The following EIF3K variants were observed in gnomAD, a reference collection of about 807,000 sequenced individuals.
The protein encoded by EIF3K is eIF-3 p28.
Under a neutral mutation model 34.2 loss-of-function variants are expected in EIF3K, and 27 were observed. The ratio of observed to expected loss-of-function variants is 0.79; its 90% CI spans 0.58 to 1.09. The LOEUF (loss-of-function observed/expected upper bound fraction) is 1.09, where lower values mean the gene tolerates loss of function less well. Among genes scored for constraint, EIF3K ranks in the 50% least tolerant of loss-of-function variants. EIF3K has a pLI of 0.00. For missense variants in EIF3K, 232 were observed against 275.4 expected (o/e 0.84, Z 1.11); for synonymous variants, 105 against 105.7 (o/e 0.99, Z 0.04).
Position 38,624,085 on chromosome 19 carries a change from T to G in EIF3K, c.167T>G (p.Phe56Cys), listed in dbSNP as rs772417306. The part of the protein sequence containing the change: ...ANLAVLKLYQ[F>C]NPAFFQTTVT... Reference sequence around the variant, plus strand: ...CTTGTTCTTTTTCTTAGGTACCAGTTCAACCCAGCCTTCTTTCAGACCACG... The same window carrying G: ...CTTGTTCTTTTTCTTAGGTACCAGTGCAACCCAGCCTTCTTTCAGACCACG... Residue 56 changes from phenylalanine to cysteine, a missense_variant, in exon 3 of 8, where the codon TTC becomes TGC. Coordinates refer to ENST00000248342, the MANE Select transcript of EIF3K (RefSeq NM_013234.4). 5 of 1,614,142 alleles carry G rather than the reference T, an allele frequency of 3.1e-6. No individual in the cohort carries two copies. Among genetic ancestry groups the G allele is most frequent in the Non-Finnish European group, 4.2e-6 (5 of 1,180,004 alleles).
chr19:38,624,336 C>A, intron 3 of EIF3K, 139 bp downstream of exon 3: 1 of 1,358,354 alleles, frequency 7.4e-7, no homozygotes, highest in Non-Finnish European at 1.0e-6. Flanking sequence ...AGGTGCTGGA[C>A]AGTGCTGGGA....
At chr19:38,623,547 C>T (rs1207694600) in intron 2 of EIF3K, among the ~76,000 whole-genome samples, 2 of 152,120 alleles carry the variant, frequency 1.3e-5, no homozygotes, top group Admixed American at 6.6e-5. Flanking sequence ...TCAGGTGATC[C>T]GCCCATCTCG....
At chr19:38,623,280 C>T (rs1224054941) in intron 2 of EIF3K, among the ~76,000 whole-genome samples, 1 of 152,254 alleles carries the variant, frequency 6.6e-6, no homozygotes, top group Non-Finnish European at 1.5e-5. Context: ...CAGCCGGTCC[C>T]TCCGTTTGGG....
At position 38,624,126 on chromosome 19, in the gene EIF3K, C is replaced by T. The variant is rs751450442; in HGVS notation, c.208C>T (p.Leu70=). The change falls in exon 3 of 8, where the codon CTG becomes TTG. Residue 70 remains leucine, a synonymous_variant. Coordinates refer to ENST00000248342, the MANE Select transcript of EIF3K (RefSeq NM_013234.4). The part of the protein sequence containing the change: ...FFQTTVTAQI[L]LKALTNLPHT... Reference sequence around the variant, plus strand: ...TCAGACCACGGTCACCGCCCAGATCCTGCTGAAGGCCCTCACCAACTTGCC... The same window carrying T: ...TCAGACCACGGTCACCGCCCAGATCTTGCTGAAGGCCCTCACCAACTTGCC... 1.9e-6 allele frequency: 3 copies of T among 1,614,216 alleles called. No homozygotes were observed. The highest frequency in any genetic ancestry group is 1.3e-5 in the African/African-American group (1 of 75,050).
intron 4 of EIF3K, among the ~76,000 whole-genome samples, chr19:38,631,493 CTGCCCGCG>C (rs1274079547): frequency 6.6e-6 from 1 of 152,214 alleles, no homozygotes; most frequent in Non-Finnish European, 1.5e-5. Context: ...AGCAATATTG[CTGCCCGCG>C]TGTCCCACCT....
At chr19:38,620,681 G>T (rs2144759668) in intron 2 of EIF3K, among the ~76,000 whole-genome samples, 1 of 151,046 alleles carries the variant, frequency 6.6e-6, no homozygotes, top group Non-Finnish European at 1.5e-5. Flanking sequence ...ATCACCTGAG[G>T]TAGGGAGTTT....
chr19:38,619,914 G>A (rs1022577703), intron 1 of EIF3K, among the ~76,000 whole-genome samples: 3 of 152,194 alleles, frequency 2.0e-5, no homozygotes, highest in Admixed American at 6.5e-5. Flanking sequence ...AACTGAAATG[G>A]GGGAAGCAAA....
chr19:38,623,322 C>T (rs1599730983), intron 2 of EIF3K, among the ~76,000 whole-genome samples: 1 of 152,214 alleles, frequency 6.6e-6, no homozygotes, highest in Non-Finnish European at 1.5e-5. Context: ...GTACGCACCA[C>T]CATACCCAGC....
chr19:38,632,610 A>G lies in EIF3K; in HGVS notation c.431A>G (p.His144Arg). 1 of 1,613,946 alleles carries G rather than the reference A, an allele frequency of 6.2e-7. No homozygotes were observed. The highest frequency in any genetic ancestry group is 8.5e-7 in the Non-Finnish European group (1 of 1,179,908). ...TCTCTGACCTCCACAGTTATCTGCCATGTTGTGGGTATCACTTACCAGCAC... is the reference window on the plus strand; with the variant it reads ...TCTCTGACCTCCACAGTTATCTGCCGTGTTGTGGGTATCACTTACCAGCAC... ...FEDSVRKFIC[H>R]VVGITYQHID... Residue 144 changes from histidine (H) to arginine (R), a missense_variant, in exon 6 of 8, where the codon CAT becomes CGT. By Grantham distance (29) the His-to-Arg change is conservative. Transcript: ENST00000248342.
At chr19:38,634,639 T>C (rs551169767) in intron 6 of EIF3K, among the ~76,000 whole-genome samples, 1 of 152,214 alleles carries the variant, frequency 6.6e-6, no homozygotes, top group South Asian at 2.1e-4. Flanking sequence ...ATGGTCATGT[T>C]ATAATTTTGC....
At chr19:38,629,908 T>C (rs556971975) in intron 4 of EIF3K, among the ~76,000 whole-genome samples, 1 of 152,082 alleles carries the variant, frequency 6.6e-6, no homozygotes, top group African/African-American at 2.4e-5. Flanking sequence ...GGTAGGAAAA[T>C]TGGCCTTTTC....
intron 2 of EIF3K, among the ~76,000 whole-genome samples, chr19:38,623,130 G>A (rs528856192): frequency 6.6e-6 from 1 of 152,370 alleles, no homozygotes; most frequent in East Asian, 1.9e-4. Flanking sequence ...TTGGGGAAGT[G>A]ATAAGTGTCC....
At chr19:38,628,727 G>A (rs930307131) in intron 4 of EIF3K, among the ~76,000 whole-genome samples, 13 of 152,250 alleles carry the variant, frequency 8.5e-5, no homozygotes, top group African/African-American at 2.4e-4. Context: ...GGGAGGCTGA[G>A]GCAGGAGAAT....
chr19:38,635,264 T>C, intron 7 of EIF3K, 146 bp downstream of exon 7: 1 of 1,185,862 alleles, frequency 8.4e-7, no homozygotes, highest in South Asian at 1.4e-5. Flanking sequence ...TCACCTTGTG[T>C]CTTGGGGCTC....
chr19:38,622,473 G>A (rs909650190), intron 2 of EIF3K, among the ~76,000 whole-genome samples: 1 of 152,202 alleles, frequency 6.6e-6, no homozygotes, highest in African/African-American at 2.4e-5. Flanking sequence ...AGGTGTGGGC[G>A]ACAGACATCA....
At chr19:38,636,554 C>T (rs947088369) in intron 7 of EIF3K, among the ~76,000 whole-genome samples, 2 of 152,142 alleles carry the variant, frequency 1.3e-5, no homozygotes, top group Admixed American at 6.5e-5. Flanking sequence ...ACAAACAACA[C>T]TTCCTTGGCA....
chr19:38,632,203 C>T lies in EIF3K; in HGVS notation c.355-227C>T, dbSNP rs1415704536. ...GGCCAGCGTGGGCAGATCACTTGAG[C>T]CCAGGAGTTTGAGATCAGCCTGGGC... On this transcript the variant is annotated intron_variant, in intron 4 of 7. Transcript: ENST00000248342. 16 of 510,532 alleles carry T rather than the reference C, an allele frequency of 3.1e-5. No individual in the cohort carries two copies. In the East Asian group the frequency reaches 5.6e-4, roughly 18 times the overall value. 31.6% of individuals were successfully genotyped at this position (510,532 alleles called of 1,614,324 possible).
chr19:38,632,803 AGG>A lies in EIF3K; in HGVS notation c.499+126_499+127del, dbSNP rs560476515. The A allele has an allele frequency of 1.9e-4, 148 of 798,416 alleles. No homozygotes were observed. In the African/African-American group the frequency reaches 2.4e-3, roughly 13 times the overall value. 49.5% of individuals were successfully genotyped at this position (798,416 alleles called of 1,614,324 possible). ...AGGTCAGCATGGAAGGCCCAGCCCA[AGG>A]AGGAAATAAGAACTTGGTATAAGAC... On this transcript the variant is annotated intron_variant, in intron 6 of 7. Transcript: ENST00000248342.
At chr19:38,631,837 T>C (rs1976073700) in intron 4 of EIF3K, among the ~76,000 whole-genome samples, 1 of 152,146 alleles carries the variant, frequency 6.6e-6, no homozygotes, top group Non-Finnish European at 1.5e-5. Flanking sequence ...TACTTGAGAT[T>C]AGGGAGTGGT....
Sources: gnomAD v4.1 joint callset for allele counts (sites outside exome capture counted in the v4.1 genomes callset) on GRCh38, gnomAD v4.1.1 for gene constraint, MANE v1.5 for transcripts, NCBI Gene and HGNC (gene_info 2026-07-23, HGNC 2026-07-21) for gene names.